Variants in GFOD1 observed in about 807,000 individuals in gnomAD.
GFOD1 encodes the protein glucose-fructose oxidoreductase domain-containing protein 1.
Under a neutral mutation model 25.4 loss-of-function variants are expected in GFOD1, and 9 were observed. The ratio of observed to expected loss-of-function variants is 0.35; its 90% CI spans 0.21 to 0.62. GFOD1 has a LOEUF of 0.62. Ranked by LOEUF, GFOD1 falls within the 20% of genes least tolerant of loss-of-function variation. The pLI, the probability that GFOD1 is intolerant of heterozygous loss-of-function variation, is 0.72. For synonymous variants in GFOD1, 253 were observed against 245.6 expected (o/e 1.03, Z -0.28); for missense variants, 403 against 556.9 (o/e 0.72, Z 2.78).
intron 1 of GFOD1, among the ~76,000 whole-genome samples, chr6:13,442,126 G>A (rs1173812643): frequency 6.6e-6 from 1 of 152,226 alleles, no homozygotes; most frequent in Non-Finnish European, 1.5e-5. Flanking sequence ...AGTGGCCAAG[G>A]CCGGGAATCA....
chr6:13,374,583 G>C (rs911243904), intron 1 of GFOD1, among the ~76,000 whole-genome samples: 4 of 151,842 alleles, frequency 2.6e-5, no homozygotes, highest in South Asian at 2.1e-4. Context: ...TGGGATTACA[G>C]GTGTGAACCA....
chr6:13,427,512 A>C (rs1173011086), intron 1 of GFOD1, among the ~76,000 whole-genome samples: 1 of 152,160 alleles, frequency 6.6e-6, no homozygotes, highest in East Asian at 1.9e-4. Flanking sequence ...TTAGCCCGGC[A>C]TGGTGGTGTG....
Position 13,432,920 on chromosome 6 carries a change from A to T in GFOD1, c.253+53718T>A, listed in dbSNP as rs143082739. 4.4e-3 allele frequency among the ~76,000 whole-genome samples: 669 copies of T among 152,276 alleles called. 5 individuals are homozygous for T. Among genetic ancestry groups the T allele is most frequent in the Admixed American group, 7.1e-3 (109 of 15,294 alleles). On this transcript the variant is annotated intron_variant, in intron 1 of 1. Transcript: ENST00000379287. ...AATAAACAAAGCAGCAACTTGCCCC[A>T]AACCAGCTTCCTCTCCTATATCTCT...
In GFOD1 at chr6:13,358,636, T is replaced by C. The variant is rs1209666986; in HGVS notation, c.*6107A>G. The stretch of plus-strand genomic sequence containing the variant: ...GATTAGACCAAGAATCACAAGTAAG[T>C]CATTGCGTTTATAAGGAAAAACCAA... On this transcript the variant is annotated 3_prime_UTR_variant, in exon 2 of 2. Transcript: ENST00000379287. 1 of 152,232 alleles carries C rather than the reference T, an allele frequency of 6.6e-6. No homozygotes were observed. Among genetic ancestry groups the C allele is most frequent in the Non-Finnish European group, 1.5e-5 (1 of 68,044 alleles). 9.4% of individuals were successfully genotyped at this position (152,232 alleles called of 1,614,324 possible). A position where few individuals can be genotyped will look rare whatever the true frequency, so the allele number is the denominator to read the frequency against.
At chr6:13,373,302 A>T (rs1413327071) in intron 1 of GFOD1, among the ~76,000 whole-genome samples, 1 of 152,226 alleles carries the variant, frequency 6.6e-6, no homozygotes, top group Non-Finnish European at 1.5e-5. Flanking sequence ...AAGCATGCAT[A>T]GGAGCTTGCC....
chr6:13,437,722 A>C (rs1009926404), intron 1 of GFOD1, among the ~76,000 whole-genome samples: 1 of 152,178 alleles, frequency 6.6e-6, no homozygotes, highest in African/African-American at 2.4e-5. Context: ...CAATGCATAC[A>C]CCATGGGCCA....
intron 1 of GFOD1, among the ~76,000 whole-genome samples, chr6:13,480,311 C>G (rs1005126500): frequency 2.0e-5 from 3 of 152,174 alleles, no homozygotes; most frequent in African/African-American, 7.2e-5. Context: ...AAACAGAGAT[C>G]ATGAAAACAG....
At chr6:13,401,337 TCTGAG>T (rs1785838439) in intron 1 of GFOD1, among the ~76,000 whole-genome samples, 1 of 152,056 alleles carries the variant, frequency 6.6e-6, no homozygotes, top group South Asian at 2.1e-4. Context: ...GATATCTGAA[TCTGAG>T]CCGTGTAGCA....
chr6:13,378,601 G>A (rs1673205597), intron 1 of GFOD1, among the ~76,000 whole-genome samples: 1 of 152,168 alleles, frequency 6.6e-6, no homozygotes, highest in African/African-American at 2.4e-5. Context: ...TAGTGCTGGG[G>A]TTCCTACAGG....
At chr6:13,390,776 AGAGAAAGG>A (rs1231535816) in intron 1 of GFOD1, among the ~76,000 whole-genome samples, 1 of 66,722 alleles carries the variant, frequency 1.5e-5, no homozygotes. Context: ...AGAGAGAGAG[AGAGAAAGG>A]AAGGAAGGAA....
Position 13,430,111 on chromosome 6 carries a change from T to C in GFOD1, c.253+56527A>G, listed in dbSNP as rs9474177. ...CTATAAAAGGTGATCACAGCTTCTG[T>C]GTAGCTGCACTCTGTAGGAATGCTT... is the stretch of plus-strand genomic sequence containing the variant. On this transcript the variant is annotated intron_variant, in intron 1 of 1. Coordinates refer to ENST00000379287, the MANE Select transcript of GFOD1 (RefSeq NM_018988.4). The surrounding 1 kb of genome is among the most constrained non-coding windows in gnomAD (Gnocchi z 4.1). Among the ~76,000 whole-genome samples, 2,243 of 152,276 alleles carry C rather than the reference T, an allele frequency of 0.015. 52 individuals are homozygous for C. The highest frequency in any genetic ancestry group is 0.051 in the African/African-American group (2,123 of 41,542).
intron 1 of GFOD1, among the ~76,000 whole-genome samples, chr6:13,433,496 C>G (rs1757785130): frequency 6.6e-6 from 1 of 152,138 alleles, no homozygotes; most frequent in Non-Finnish European, 1.5e-5. Flanking sequence ...GGCCTCTACT[C>G]CTAGATGCTG....
At chr6:13,436,174 G>A (rs1757830589) in intron 1 of GFOD1, among the ~76,000 whole-genome samples, 1 of 152,170 alleles carries the variant, frequency 6.6e-6, no homozygotes, top group South Asian at 2.1e-4. Context: ...AATCACATGT[G>A]TGTATTACCT....
intron 1 of GFOD1, among the ~76,000 whole-genome samples, chr6:13,391,300 C>A (rs528132775): frequency 6.6e-6 from 1 of 151,966 alleles, no homozygotes; most frequent in Non-Finnish European, 1.5e-5. Flanking sequence ...CCATTTGAAA[C>A]CAGCCTGGCC....
chr6:13,444,143 T>C (rs2127572563), intron 1 of GFOD1, among the ~76,000 whole-genome samples: 1 of 151,866 alleles, frequency 6.6e-6, no homozygotes, highest in East Asian at 1.9e-4. Context: ...GTAAAGAAAA[T>C]GGGGTACATA....
intron 1 of GFOD1, among the ~76,000 whole-genome samples, chr6:13,423,378 A>C (rs1044870474): frequency 8.5e-5 from 13 of 152,208 alleles, no homozygotes; most frequent in African/African-American, 3.1e-4. Context: ...GCCTGACACC[A>C]TACCTGACAC....
chr6:13,417,480 T>C (rs1550523), intron 1 of GFOD1, among the ~76,000 whole-genome samples: 7,526 of 152,290 alleles, frequency 0.049, 495 homozygotes, highest in African/African-American at 0.15. Flanking sequence ...CTAGAAATAT[T>C]TTCCAAAAGA....
chr6:13,444,286 C>T (rs1349829145), intron 1 of GFOD1, among the ~76,000 whole-genome samples: 1 of 151,976 alleles, frequency 6.6e-6, no homozygotes, highest in Non-Finnish European at 1.5e-5. Flanking sequence ...CATGTTCTCA[C>T]TTACAAGTGA....
chr6:13,441,491 A>T (rs1490230294), intron 1 of GFOD1, among the ~76,000 whole-genome samples: 1 of 152,242 alleles, frequency 6.6e-6, no homozygotes, highest in Non-Finnish European at 1.5e-5. Context: ...TTGTGTTAAA[A>T]AATGTATCTT....
Sources: gnomAD v4.1 joint callset for allele counts (sites outside exome capture counted in the v4.1 genomes callset) on GRCh38, gnomAD v4.1.1 for gene constraint, Gnocchi (gnomAD v3.1) non-coding constraint, MANE v1.5 for transcripts, NCBI Gene and HGNC (gene_info 2026-07-23, HGNC 2026-07-21) for gene names.